Variants in LRIG1 observed in about 807,000 individuals in gnomAD.
LRIG1 encodes the protein leucine rich repeats and immunoglobulin like domains 1, also known as leucine-rich repeats and immunoglobulin-like domains protein 1.
In LRIG1, 48 loss-of-function variants were observed where a neutral mutation model predicts 99.2. That is an observed-to-expected ratio of 0.48 (90% CI 0.38 to 0.62). The LOEUF (loss-of-function observed/expected upper bound fraction) is 0.62. Among genes scored for constraint, LRIG1 ranks in the 20% least tolerant of loss-of-function variants. The probability of loss-of-function intolerance (pLI) is 0.00; values close to 1 mark genes in which losing one functional copy is unlikely to be tolerated. For synonymous variants in LRIG1, 772 were observed against 596.1 expected (o/e 1.29, Z -4.30); for missense variants, 1,646 against 1,434.4 (o/e 1.15, Z -2.38).
chr3:66,497,704 C>CCAA (rs1553727956), intron 1 of LRIG1, among the ~76,000 whole-genome samples: 4 of 89,276 alleles, frequency 4.5e-5, no homozygotes, highest in African/African-American at 1.9e-4. Flanking sequence ...GCACTGTTTA[C>CCAA]AAAAAAAAAA....
At chr3:66,416,835 A>T (rs1702629413) in intron 4 of LRIG1, among the ~76,000 whole-genome samples, 1 of 152,184 alleles carries the variant, frequency 6.6e-6, no homozygotes, top group South Asian at 2.1e-4. Context: ...TGTGGTCAAG[A>T]TCGATCTGTT....
At chr3:66,391,379 C>G (rs1185402594) in intron 12 of LRIG1, among the ~76,000 whole-genome samples, 1 of 151,958 alleles carries the variant, frequency 6.6e-6, no homozygotes, top group Admixed American at 6.6e-5. Context: ...TTCATAATAG[C>G]CAAAAAGTGG....
chr3:66,409,604 A>AG (rs1702398510), intron 7 of LRIG1: 1 of 155,250 alleles, frequency 6.4e-6, no homozygotes, highest in Non-Finnish European at 1.4e-5. Flanking sequence ...GAGAAAGGGA[A>AG]GGGGCCAAGA....
chr3:66,446,098 A>T (rs1041096145), intron 3 of LRIG1, among the ~76,000 whole-genome samples: 1 of 152,196 alleles, frequency 6.6e-6, no homozygotes, highest in Admixed American at 6.5e-5. Context: ...CCTGTAAAGA[A>T]GATTGATTTC....
At chr3:66,483,102 T>C (rs147930800) in intron 1 of LRIG1, among the ~76,000 whole-genome samples, 1 of 151,978 alleles carries the variant, frequency 6.6e-6, no homozygotes, top group East Asian at 1.9e-4. Context: ...CTGCCTAGAC[T>C]ATTCCAGCTC....
At chr3:66,420,554 G>A (rs1702772791) in intron 3 of LRIG1, among the ~76,000 whole-genome samples, 2 of 152,196 alleles carry the variant, frequency 1.3e-5, no homozygotes, top group Admixed American at 6.5e-5. Flanking sequence ...AGGTGGAACA[G>A]CCCAAATGTC....
intron 1 of LRIG1, among the ~76,000 whole-genome samples, chr3:66,498,713 C>T (rs965261636): frequency 2.0e-5 from 3 of 152,166 alleles, no homozygotes; most frequent in Non-Finnish European, 2.9e-5. Flanking sequence ...TTTTCACTAA[C>T]TCAGTAAATT....
At chr3:66,435,310 G>A in intron 3 of LRIG1, among the ~76,000 whole-genome samples, 1 of 152,188 alleles carries the variant, frequency 6.6e-6, no homozygotes, top group Non-Finnish European at 1.5e-5. Context: ...TGTAATCCCA[G>A]CACTTTGGGA....
At chr3:66,389,475 T>C (rs960304036) in intron 12 of LRIG1, among the ~76,000 whole-genome samples, 4 of 152,002 alleles carry the variant, frequency 2.6e-5, no homozygotes, top group African/African-American at 9.7e-5. Context: ...AGAGACACAG[T>C]GTGGATTCAA....
At position 66,394,148 on chromosome 3, in the gene LRIG1, A is replaced by C. The variant is rs1701743390; in HGVS notation, c.1360T>G (p.Trp454Gly). Reference sequence around the variant, plus strand: ...GCCTGCAGCATCCTGCCAATTAGCCACGGGGGCAGCCACTTCAGCTGGCAG... The same window carrying C: ...GCCTGCAGCATCCTGCCAATTAGCCCCGGGGGCAGCCACTTCAGCTGGCAG... ...CDCQLKWLPP[W>G]LIGRMLQAFV... is the part of the protein sequence containing the mutation. Residue 454 changes from tryptophan to glycine, a missense_variant, in exon 12 of 19, where the codon TGG (tryptophan) becomes GGG (glycine). Physicochemically the swap from Trp to Gly is radical, Grantham distance 184. Transcript: ENST00000273261. 1.2e-6 allele frequency: 2 copies of C among 1,611,558 alleles called. No individual in the cohort carries two copies. Among genetic ancestry groups the C allele is most frequent in the Non-Finnish European group, 1.7e-6 (2 of 1,179,052 alleles).
intron 3 of LRIG1, among the ~76,000 whole-genome samples, chr3:66,441,321 T>C (rs763788799): frequency 6.6e-6 from 1 of 152,220 alleles, no homozygotes; most frequent in African/African-American, 2.4e-5. Flanking sequence ...CTTGAAGTGA[T>C]GTCTTCGGGG....
chr3:66,490,807 A>C (rs1479866395), intron 1 of LRIG1, among the ~76,000 whole-genome samples: 1 of 152,212 alleles, frequency 6.6e-6, no homozygotes, highest in Non-Finnish European at 1.5e-5. Flanking sequence ...AACACTCCAT[A>C]ATCTACCTGG....
intron 1 of LRIG1, among the ~76,000 whole-genome samples, chr3:66,489,625 A>G (rs1235886708): frequency 1.3e-5 from 2 of 152,150 alleles, no homozygotes; most frequent in African/African-American, 4.8e-5. Flanking sequence ...TTACCATCCA[A>G]TGAAATATAA....
At chr3:66,464,587 C>T (rs1165492507) in intron 1 of LRIG1, among the ~76,000 whole-genome samples, 1 of 151,422 alleles carries the variant, frequency 6.6e-6, no homozygotes, top group Non-Finnish European at 1.5e-5. Context: ...TGCCTCTGAT[C>T]TGGGCCACTG....
intron 7 of LRIG1, 55 bp from the exon 8 acceptor site, chr3:66,407,546 C>T (rs1559782583): frequency 4.4e-6 from 7 of 1,597,184 alleles, no homozygotes; most frequent in Non-Finnish European, 2.6e-6. Context: ...CCCCCAACCC[C>T]ACCCCACCGG....
intron 3 of LRIG1, among the ~76,000 whole-genome samples, chr3:66,430,294 A>C (rs774491962): frequency 6.6e-5 from 10 of 152,244 alleles, no homozygotes; most frequent in Non-Finnish European, 1.3e-4. Context: ...AAAGGTAGGG[A>C]AGCTGACAGA....
At chr3:66,439,383 AT>A (rs576312367) in intron 3 of LRIG1, among the ~76,000 whole-genome samples, 2 of 152,078 alleles carry the variant, frequency 1.3e-5, no homozygotes, top group Admixed American at 6.6e-5. Context: ...TCCAAGGGGA[AT>A]TTTTTTTCTC....
intron 3 of LRIG1, among the ~76,000 whole-genome samples, chr3:66,451,131 C>A (rs966255984): frequency 6.6e-6 from 1 of 152,116 alleles, no homozygotes; most frequent in Admixed American, 6.6e-5. Context: ...GGCCTGGGGG[C>A]ACTTTCTTTT....
intron 3 of LRIG1, among the ~76,000 whole-genome samples, chr3:66,430,364 G>T (rs1044699874): frequency 2.6e-5 from 4 of 152,174 alleles, no homozygotes; most frequent in African/African-American, 9.7e-5. Context: ...GCACGGGGTG[G>T]GGGTTACTTA....
Sources: allele counts gnomAD v4.1 joint callset (sites outside exome capture counted in the v4.1 genomes callset), GRCh38; gene constraint gnomAD v4.1.1; transcripts MANE v1.5; gene names NCBI Gene and HGNC (gene_info 2026-07-23, HGNC 2026-07-21).